Variants in KDM6A observed in about 807,000 individuals in gnomAD.
The protein encoded by KDM6A is lysine-specific demethylase 6A.
In KDM6A, 11 loss-of-function variants were observed where a neutral mutation model predicts 117.6. The observed-to-expected ratio is 0.09, with a 90% CI of 0.06 to 0.15. The LOEUF (loss-of-function observed/expected upper bound fraction) is 0.15, where lower values mean the gene tolerates loss of function less well. KDM6A is among the 10% of genes least tolerant of loss of function. The pLI is 1.00. For synonymous variants in KDM6A, 384 were observed against 396.1 expected, an observed-to-expected ratio of 0.97 and a Z score of 0.36; for missense variants, 799 against 1,077.3, an observed-to-expected ratio of 0.74 and a Z score of 3.62.
At chrX:45,000,961 G>A (rs767625437) in intron 4 of KDM6A, among the ~76,000 whole-genome samples, 5 of 113,016 alleles carry the variant, frequency 4.4e-5, no homozygotes, top group East Asian at 2.8e-4. Flanking sequence ...ACCTGTGGAC[G>A]GAATATTTGA....
chrX:44,893,042 T>A (rs1370045983), intron 2 of KDM6A, among the ~76,000 whole-genome samples: 1 of 100,648 alleles, frequency 9.9e-6, no homozygotes, highest in Non-Finnish European at 2.0e-5. Context: ...GATGTTGTGG[T>A]ACACGCCTGT....
At chrX:44,974,080 G>A (rs1239314002) in intron 3 of KDM6A, among the ~76,000 whole-genome samples, 1 of 111,011 alleles carries the variant, frequency 9.0e-6, no homozygotes, top group Non-Finnish European at 1.9e-5. Flanking sequence ...ATTCTTAGCT[G>A]TCCATATTTC....
intron 2 of KDM6A, among the ~76,000 whole-genome samples, chrX:44,932,726 A>G (rs1222671650): frequency 9.0e-6 from 1 of 110,508 alleles, no homozygotes; most frequent in Non-Finnish European, 1.9e-5. Context: ...TGTTTTTCCT[A>G]ATTTTTTTAA....
At chrX:44,984,769 G>A (rs1390307589) in intron 4 of KDM6A, among the ~76,000 whole-genome samples, 7 of 111,435 alleles carry the variant, frequency 6.3e-5, no homozygotes, top group Non-Finnish European at 1.3e-4. Flanking sequence ...CCATTGGTCT[G>A]TATCTCTGTT....
At chrX:44,957,410 A>G (rs2038400714) in intron 2 of KDM6A, among the ~76,000 whole-genome samples, 1 of 112,362 alleles carries the variant, frequency 8.9e-6, no homozygotes, top group African/African-American at 3.2e-5. Context: ...ACTGCACATG[A>G]AAAAAATTAA....
chrX:44,895,049 G>C (rs904278220), intron 2 of KDM6A, among the ~76,000 whole-genome samples: 1 of 108,584 alleles, frequency 9.2e-6, no homozygotes, highest in Non-Finnish European at 1.9e-5. Flanking sequence ...TTACAGGTGT[G>C]AGCCACCACG....
intron 2 of KDM6A, among the ~76,000 whole-genome samples, chrX:44,902,667 C>T (rs1034356437): frequency 2.7e-5 from 3 of 112,309 alleles, no homozygotes; most frequent in Admixed American, 9.4e-5. Flanking sequence ...GGATTATAGG[C>T]GTGAGCCACA....
At chrX:44,974,135 C>T (rs768131556) in intron 3 of KDM6A, among the ~76,000 whole-genome samples, 4 of 111,259 alleles carry the variant, frequency 3.6e-5, no homozygotes, top group Middle Eastern at 4.6e-3. Context: ...CATGGGATTG[C>T]GGATCTCTGA....
intron 15 of KDM6A, among the ~76,000 whole-genome samples, chrX:45,062,180 T>C (rs188998322): frequency 8.9e-6 from 1 of 111,837 alleles, no homozygotes; most frequent in Admixed American, 9.5e-5. Flanking sequence ...CTTCTGCATG[T>C]CAATATGTGA....
At position 45,107,441 on chromosome X, in the gene KDM6A, C is replaced by A. The variant is rs1166135349; in HGVS notation, c.4066C>A (p.Gln1356Lys). The change falls in exon 28 of 30, where the codon CAG becomes AAG. Residue 1356 changes from glutamine (Q) to lysine (K), a missense_variant. This residue lies in a region of KDM6A where 291 missense variants were observed against 437.9 expected (regional missense o/e 0.66). Transcript: ENST00000611820. ...TCTTCTAAGAACTCTGAAGCAATGTCAGACATTGAGGGAAGCTCTCATTGC... is the reference window on the plus strand; with the variant it reads ...TCTTCTAAGAACTCTGAAGCAATGTAAGACATTGAGGGAAGCTCTCATTGC... ...YCLLRTLKQC[Q>K]TLREALIAAG... 8.3e-7 allele frequency: 1 copy of A among 1,207,924 alleles called. No individual in the cohort carries two copies. The highest frequency in any genetic ancestry group is 1.8e-5 in the South Asian group (1 of 56,897).
chrX:45,016,665 A>G (rs1382393700), intron 5 of KDM6A, among the ~76,000 whole-genome samples: 1 of 110,242 alleles, frequency 9.1e-6, no homozygotes, highest in African/African-American at 3.3e-5. Context: ...ACGCCCAGCT[A>G]ATTTTTGTAT....
chrX:45,039,103 G>A (rs756521272), intron 8 of KDM6A, among the ~76,000 whole-genome samples: 2 of 110,904 alleles, frequency 1.8e-5, no homozygotes, highest in South Asian at 7.6e-4. Flanking sequence ...CCAGCTCTAT[G>A]GCAGAATTAT....
At chrX:44,879,224 T>G (rs2146499071) in intron 2 of KDM6A, among the ~76,000 whole-genome samples, 1 of 112,439 alleles carries the variant, frequency 8.9e-6, no homozygotes. Flanking sequence ...GGATTTCTGT[T>G]AAGTTTATTT....
At chrX:44,980,134 CTA>C (rs2039823628) in intron 4 of KDM6A, among the ~76,000 whole-genome samples, 1 of 108,865 alleles carries the variant, frequency 9.2e-6, no homozygotes, top group South Asian at 4.0e-4. Context: ...GTAGCTGGAA[CTA>C]TAGGCCCACG....
intron 2 of KDM6A, among the ~76,000 whole-genome samples, chrX:44,889,229 G>C (rs1413964476): frequency 9.0e-6 from 1 of 111,629 alleles, no homozygotes; most frequent in African/African-American, 3.3e-5. Context: ...TGGCCAGGCT[G>C]GTCTTGAACT....
intron 2 of KDM6A, among the ~76,000 whole-genome samples, chrX:44,881,061 C>T (rs2032240299): frequency 1.8e-5 from 2 of 112,323 alleles, no homozygotes; most frequent in Admixed American, 9.5e-5. Context: ...GCTCATTCTT[C>T]ATTTTGATCT....
chrX:45,011,107 G>A, intron 5 of KDM6A, 88 bp downstream of exon 5: 2 of 675,492 alleles, frequency 3.0e-6, no homozygotes, highest in East Asian at 3.3e-5. Flanking sequence ...TTGTGTGTGT[G>A]TGTAATAAAT....
chrX:44,956,374 C>CTTTTCT (rs1335081766), intron 2 of KDM6A, among the ~76,000 whole-genome samples: 2 of 110,572 alleles, frequency 1.8e-5, no homozygotes, highest in Non-Finnish European at 3.8e-5. Flanking sequence ...CTTCCGTTTC[C>CTTTTCT]TTTTCTTTTT....
intron 4 of KDM6A, among the ~76,000 whole-genome samples, chrX:45,000,928 A>T (rs1258589852): frequency 8.8e-6 from 1 of 113,306 alleles, no homozygotes; most frequent in African/African-American, 3.2e-5. Context: ...TATGCGCACA[A>T]GCATAGCAAT....
Sources: allele counts gnomAD v4.1 joint callset (sites outside exome capture counted in the v4.1 genomes callset), GRCh38; gene constraint gnomAD v4.1.1; regional missense constraint gnomAD v4.1.1; transcripts MANE v1.5; gene names NCBI Gene and HGNC (gene_info 2026-07-23, HGNC 2026-07-21).